The following CREB5 variants were observed in gnomAD, a reference collection of about 807,000 sequenced individuals.
CREB5 encodes cyclic AMP-responsive element-binding protein 5.
A neutral mutation model predicts 57.1 loss-of-function variants in CREB5; 19 were observed. The ratio of observed to expected loss-of-function variants is 0.33; its 90% CI spans 0.23 to 0.49. CREB5 has a LOEUF of 0.49. Ranked by LOEUF, CREB5 falls within the 20% of genes least tolerant of loss-of-function variation. The pLI, the probability that CREB5 is intolerant of heterozygous loss-of-function variation, is 0.99. For synonymous variants in CREB5, 238 were observed against 238.3 expected (o/e 1.00, Z 0.01); for missense variants, 579 against 671.6 (o/e 0.86, Z 1.52).
chr7:28,565,799 T>C (rs930913110), intron 4 of CREB5, among the ~76,000 whole-genome samples: 1 of 152,094 alleles, frequency 6.6e-6, no homozygotes, highest in Non-Finnish European at 1.5e-5. Context: ...CACGTGCCTG[T>C]AGTCCCAGCT....
chr7:28,365,855 A>T (rs118160844), intron 1 of CREB5, among the ~76,000 whole-genome samples: 3,919 of 152,308 alleles, frequency 0.026, 106 homozygotes, highest in Admixed American at 0.058. Context: ...TAGCACCTAT[A>T]AAAATTTTGT....
intron 4 of CREB5, among the ~76,000 whole-genome samples, chr7:28,538,974 T>C (rs924279564): frequency 5.3e-5 from 8 of 152,244 alleles, no homozygotes; most frequent in Non-Finnish European, 1.2e-4. Flanking sequence ...TGATTTTAAT[T>C]CTCTGCTGTT....
At chr7:28,347,704 T>A (rs1348080857) in intron 1 of CREB5, among the ~76,000 whole-genome samples, 2 of 152,220 alleles carry the variant, frequency 1.3e-5, no homozygotes, top group Non-Finnish European at 1.5e-5. Flanking sequence ...CACTTTGGCA[T>A]CCTTTCACAG....
intron 7 of CREB5, among the ~76,000 whole-genome samples, chr7:28,756,496 C>T (rs1225308874): frequency 6.6e-6 from 1 of 150,796 alleles, no homozygotes; most frequent in Non-Finnish European, 1.5e-5. Flanking sequence ...GCGGAGGTTG[C>T]AGTGAGCTGA....
rs755638225 is a variant in CREB5, at chr7:28,644,774, GC to G, written c.465-73978del. On this transcript the variant is annotated intron_variant, in intron 5 of 10. Coordinates refer to ENST00000357727, the MANE Select transcript of CREB5 (RefSeq NM_182898.4). ...TAAAATTAAAAGTGCTTACTGACCT[GC>G]AGCATTAAGGTTTTTTATTATTATT... Among the ~76,000 whole-genome samples, 19 of 152,038 alleles carry G rather than the reference GC, an allele frequency of 1.2e-4. No homozygotes were observed. The East Asian group carries it at 3.7e-3, about 29-fold the overall frequency.
At chr7:28,324,092 C>T (rs554075042) in intron 1 of CREB5, among the ~76,000 whole-genome samples, 1 of 152,310 alleles carries the variant, frequency 6.6e-6, no homozygotes, top group African/African-American at 2.4e-5. Flanking sequence ...TCGCCCACCG[C>T]TCACCTCACG....
At chr7:28,323,022 C>T (rs1232362238) in intron 1 of CREB5, among the ~76,000 whole-genome samples, 2 of 152,162 alleles carry the variant, frequency 1.3e-5, no homozygotes, top group African/African-American at 2.4e-5. Flanking sequence ...GCCTTGTTGA[C>T]GAATTGACCA....
chr7:28,686,600 G>A (rs564377578), intron 5 of CREB5, among the ~76,000 whole-genome samples: 8 of 152,126 alleles, frequency 5.3e-5, no homozygotes, highest in African/African-American at 9.7e-5. Context: ...GCTCCTAATC[G>A]GAGGAGACAG....
At chr7:28,686,278 G>GTCC (rs897734788) in intron 5 of CREB5, 9 of 997,080 alleles carry the variant, frequency 9.0e-6, no homozygotes, top group Admixed American at 7.1e-5. Context: ...TTGAGCCTTC[G>GTCC]TCCTCCTCCT....
intron 3 of CREB5, among the ~76,000 whole-genome samples, chr7:28,497,979 A>G (rs568369479): frequency 1.2e-4 from 18 of 152,240 alleles, no homozygotes; most frequent in African/African-American, 4.3e-4. Context: ...TTGTATTTGT[A>G]TTTTGTCATA....
chr7:28,444,449 A>G (rs1369668870), intron 1 of CREB5, among the ~76,000 whole-genome samples: 1 of 152,180 alleles, frequency 6.6e-6, no homozygotes, highest in Non-Finnish European at 1.5e-5. Flanking sequence ...ACATGGAGTG[A>G]TGAAGAGGTT....
rs371748525 is a variant in CREB5, at chr7:28,556,843, C to A, written c.292-13522C>A. ...GTTCCAGGAAGGAAGCAGGGAGACA[C>A]TGGGCATCTATTCTCCTAGCTCCTT... On this transcript the variant is annotated intron_variant, in intron 4 of 10. Transcript: ENST00000357727. Among the ~76,000 whole-genome samples, 30 of 152,296 alleles carry A rather than the reference C, an allele frequency of 2.0e-4. No homozygotes were observed. In the South Asian group the frequency reaches 6.0e-3, roughly 30 times the overall value.
chr7:28,501,753 G>T (rs148985357), intron 3 of CREB5, among the ~76,000 whole-genome samples: 8 of 152,308 alleles, frequency 5.3e-5, no homozygotes, highest in African/African-American at 1.9e-4. Context: ...AATTGAAATT[G>T]TGGCTTGATT....
chr7:28,301,685 G>T (rs760304609), intron 1 of CREB5, among the ~76,000 whole-genome samples: 1 of 152,202 alleles, frequency 6.6e-6, no homozygotes, highest in South Asian at 2.1e-4. Context: ...AATTTCTGTT[G>T]TCTGTATTGC....
At chr7:28,339,818 C>G (rs1785898643) in intron 1 of CREB5, among the ~76,000 whole-genome samples, 1 of 152,178 alleles carries the variant, frequency 6.6e-6, no homozygotes, top group South Asian at 2.1e-4. Context: ...GTGTTCTATT[C>G]TACTGCAGCT....
At position 28,301,291 on chromosome 7, in the gene CREB5, A is replaced by G. The variant is rs537079509; in HGVS notation, c.-25+1850A>G. Reference sequence around the variant, plus strand: ...ATGAGGGGAAGAATCCACTCACTCTAGACTAGTGTGTGTGGGAGCAAACTT... The same window carrying G: ...ATGAGGGGAAGAATCCACTCACTCTGGACTAGTGTGTGTGGGAGCAAACTT... On this transcript the variant is annotated intron_variant, in intron 1 of 9. Coordinates refer to the CREB5 transcript ENST00000396299. Among the ~76,000 whole-genome samples, 3 of 152,330 alleles carry G rather than the reference A, an allele frequency of 2.0e-5. No individual in the cohort carries two copies. The South Asian group carries it at 6.2e-4, about 32-fold the overall frequency.
intron 5 of CREB5, among the ~76,000 whole-genome samples, chr7:28,670,950 A>C (rs1349907919): frequency 6.6e-6 from 1 of 152,108 alleles, no homozygotes; most frequent in Non-Finnish European, 1.5e-5. Context: ...ACTTGGCCAC[A>C]CACTTTTTGA....
intron 1 of CREB5, among the ~76,000 whole-genome samples, chr7:28,486,074 T>A (rs575506740): frequency 1.5e-4 from 23 of 152,270 alleles, no homozygotes; most frequent in African/African-American, 5.3e-4. Flanking sequence ...ATTATGGTAA[T>A]CACTGTATTC....
chr7:28,576,496 G>A (rs1466749007), intron 5 of CREB5, among the ~76,000 whole-genome samples: 1 of 152,190 alleles, frequency 6.6e-6, no homozygotes, highest in Non-Finnish European at 1.5e-5. Context: ...GGCAATACCA[G>A]TGCCGTGGAA....
Sources: allele counts gnomAD v4.1 joint callset (sites outside exome capture counted in the v4.1 genomes callset), GRCh38; gene constraint gnomAD v4.1.1; transcripts MANE v1.5; gene names NCBI Gene and HGNC (gene_info 2026-07-23, HGNC 2026-07-21).